ASTN2: variants seen among roughly 807,000 people sequenced by gnomAD.
The protein encoded by ASTN2 is astrotactin 2, also known as astrotactin-2.
Under a neutral mutation model 139.8 loss-of-function variants are expected in ASTN2, and 54 were observed. That is an observed-to-expected ratio of 0.39 (90% CI 0.31 to 0.48). The LOEUF (loss-of-function observed/expected upper bound fraction) is 0.48, where lower values mean the gene tolerates loss of function less well. ASTN2 is among the 20% of genes least tolerant of loss of function. The pLI is 0.95. For synonymous variants in ASTN2, 756 were observed against 719.5 expected (o/e 1.05, Z -0.81); for missense variants, 1,565 against 1,725.1 (o/e 0.91, Z 1.64).
At chr9:117,396,042 TC>T (rs1019801252) in intron 1 of ASTN2, among the ~76,000 whole-genome samples, 7 of 152,052 alleles carry the variant, frequency 4.6e-5, no homozygotes, top group Non-Finnish European at 1.0e-4. Context: ...GTGGGGTGCC[TC>T]CCTAAGAAGG....
At chr9:116,861,784 TAGTTGGAGGTACTAGGAAAGA>T (rs1341915228) in intron 11 of ASTN2, among the ~76,000 whole-genome samples, 4 of 152,136 alleles carry the variant, frequency 2.6e-5, no homozygotes, top group Non-Finnish European at 5.9e-5. Flanking sequence ...CTGGTGACAG[TAGTTGGAGGTACTAGGAAAGA>T]AGTGTTTTTG....
At chr9:116,554,002 A>C (rs1428599898) in intron 19 of ASTN2, among the ~76,000 whole-genome samples, 1 of 152,218 alleles carries the variant, frequency 6.6e-6, no homozygotes, top group Non-Finnish European at 1.5e-5. Context: ...GAATAAATGA[A>C]CAAGCTACCC....
At chr9:116,975,433 G>T in intron 9 of ASTN2, 88 bp from the exon 10 acceptor site, 1 of 1,324,892 alleles carries the variant, frequency 7.5e-7, no homozygotes, top group Non-Finnish European at 1.0e-6. Flanking sequence ...CCCTTCTAGG[G>T]CAATTTCCTA....
At chr9:116,452,131 CAAGTT>C (rs1360926144) in intron 20 of ASTN2, among the ~76,000 whole-genome samples, 2 of 152,128 alleles carry the variant, frequency 1.3e-5, no homozygotes, top group African/African-American at 4.8e-5. Flanking sequence ...CTTATGGTCT[CAAGTT>C]AAGGAATGAA....
intron 10 of ASTN2, among the ~76,000 whole-genome samples, chr9:116,907,004 CTATA>C (rs1834178818): frequency 3.3e-5 from 5 of 152,142 alleles, no homozygotes; most frequent in Admixed American, 6.5e-5. Flanking sequence ...TATTGAGCAA[CTATA>C]ATGTAATCTT....
At chr9:117,324,300 C>T (rs533280334) in intron 1 of ASTN2, among the ~76,000 whole-genome samples, 1 of 152,294 alleles carries the variant, frequency 6.6e-6, no homozygotes, top group South Asian at 2.1e-4. Context: ...AGTCCATTCT[C>T]ACACTGCTAT....
At chr9:117,340,331 CAAAAAAAAAA>C (rs56228779) in intron 1 of ASTN2, among the ~76,000 whole-genome samples, 5 of 40,212 alleles carry the variant, frequency 1.2e-4, no homozygotes, top group Non-Finnish European at 1.7e-4. Flanking sequence ...GACTCAGTCT[CAAAAAAAAAA>C]AAAAAAAAAA....
intron 2 of ASTN2, among the ~76,000 whole-genome samples, chr9:117,273,056 TG>T (rs1834102915): frequency 6.6e-6 from 1 of 152,216 alleles, no homozygotes; most frequent in African/African-American, 2.4e-5. Flanking sequence ...TACCTGAGGC[TG>T]GGAAGAAAAG....
In ASTN2 at chr9:116,977,805, C is replaced by T. The variant is rs544778262; in HGVS notation, c.1592-1020G>A. Among the ~76,000 whole-genome samples, 13 of 151,134 alleles carry T rather than the reference C, an allele frequency of 8.6e-5. No homozygotes were observed. In the South Asian group the frequency reaches 2.7e-3, roughly 32 times the overall value. ...GATCTCGGCTCACTGCAACCTCCAC[C>T]TCCCAGCTTCAAGTGATTCTCCCGT... On this transcript the variant is annotated intron_variant, in intron 7 of 22. Coordinates refer to ENST00000313400, the MANE Select transcript of ASTN2 (RefSeq NM_001365068.1).
At chr9:116,798,504 T>C (rs12550969) in intron 13 of ASTN2, among the ~76,000 whole-genome samples, 1 of 152,192 alleles carries the variant, frequency 6.6e-6, no homozygotes, top group African/African-American at 2.4e-5. Context: ...CTTTAGCTGT[T>C]TGACTGCTAG....
chr9:117,186,515 C>T (rs1186129051), intron 3 of ASTN2, among the ~76,000 whole-genome samples: 1 of 151,820 alleles, frequency 6.6e-6, no homozygotes, highest in African/African-American at 2.4e-5. Flanking sequence ...CCACTGCACT[C>T]CAGCCTGGGC....
At chr9:116,766,350 C>G (rs1829806978) in intron 13 of ASTN2, among the ~76,000 whole-genome samples, 1 of 151,990 alleles carries the variant, frequency 6.6e-6, no homozygotes, top group Non-Finnish European at 1.5e-5. Context: ...CATTCACACT[C>G]ATGCACACAT....
chr9:117,002,784 G>A (rs564128834), intron 7 of ASTN2, among the ~76,000 whole-genome samples: 198 of 152,262 alleles, frequency 1.3e-3, no homozygotes, highest in Non-Finnish European at 2.2e-3. Flanking sequence ...CTCCCGCCTT[G>A]CTCCAGCAAA....
At chr9:117,233,562 A>G (rs1176993168) in intron 2 of ASTN2, among the ~76,000 whole-genome samples, 1 of 152,182 alleles carries the variant, frequency 6.6e-6, no homozygotes, top group Non-Finnish European at 1.5e-5. Context: ...TGAACATCAA[A>G]TTACAGAGAA....
intron 5 of ASTN2, among the ~76,000 whole-genome samples, chr9:117,094,210 AGGAG>A (rs1177139846): frequency 0.018 from 1,641 of 93,310 alleles, 44 homozygotes; most frequent in African/African-American, 0.053. Flanking sequence ...AGGAGAGGAG[AGGAG>A]AGGAAAGGAA....
chr9:116,513,960 T>C (rs571348746), intron 19 of ASTN2, among the ~76,000 whole-genome samples: 1 of 151,816 alleles, frequency 6.6e-6, no homozygotes, highest in South Asian at 2.1e-4. Context: ...CTCCTTTAGC[T>C]CGGAGAAGTT....
At chr9:116,826,402 C>T (rs963627908) in intron 11 of ASTN2, among the ~76,000 whole-genome samples, 5 of 152,022 alleles carry the variant, frequency 3.3e-5, no homozygotes, top group African/African-American at 4.8e-5. Flanking sequence ...GGCTTGGGGC[C>T]GAGTTTGAGG....
At chr9:116,741,527 G>C (rs1038119044) in intron 13 of ASTN2, among the ~76,000 whole-genome samples, 1 of 152,182 alleles carries the variant, frequency 6.6e-6, no homozygotes, top group South Asian at 2.1e-4. Flanking sequence ...CAAGTGACAG[G>C]ATGACTTTGG....
intron 1 of ASTN2, among the ~76,000 whole-genome samples, chr9:117,329,021 G>T (rs1828612891): frequency 6.6e-6 from 1 of 152,112 alleles, no homozygotes. Flanking sequence ...GGAAAATGTG[G>T]CCTCTTGCTG....
Sources: gnomAD v4.1 joint callset for allele counts (sites outside exome capture counted in the v4.1 genomes callset) on GRCh38, gnomAD v4.1.1 for gene constraint, MANE v1.5 for transcripts, NCBI Gene and HGNC (gene_info 2026-07-23, HGNC 2026-07-21) for gene names.